RAD21: variants seen among roughly 807,000 people sequenced by gnomAD.
RAD21 encodes the protein RAD21 cohesin complex component, also known as double-strand-break repair protein rad21 homolog.
RAD21 carries 18 observed loss-of-function variants against 71.5 expected under a neutral mutation model. That is an observed-to-expected ratio of 0.25 (90% confidence interval 0.17 to 0.37). RAD21 has a LOEUF of 0.37. RAD21 is among the 10% of genes least tolerant of loss of function. The pLI, the probability that RAD21 is intolerant of heterozygous loss-of-function variation, is 1.00. For synonymous variants in RAD21, 248 were observed against 254.0 expected (o/e 0.98, Z 0.22); for missense variants, 493 against 769.1 (o/e 0.64, Z 4.25).
At chr8:116,851,386 T>C (rs1022274876) in intron 11 of RAD21, 2 of 152,282 alleles carry the variant, frequency 1.3e-5, no homozygotes, top group Non-Finnish European at 2.9e-5. Context: ...GTATTCTTGA[T>C]GGAGGCTGAA....
At chr8:116,859,429 C>T (rs17426131) in intron 4 of RAD21, among the ~76,000 whole-genome samples, 5 of 151,732 alleles carry the variant, frequency 3.3e-5, no homozygotes, top group South Asian at 4.2e-4. Flanking sequence ...CATGGGGGGG[C>T]GGGATCTTAC....
intron 5 of RAD21, 128 bp from the exon 6 acceptor site, chr8:116,857,601 ATATC>A: frequency 2.5e-6 from 2 of 811,708 alleles, no homozygotes; most frequent in Non-Finnish European, 3.8e-6. Context: ...AAATGTTAAA[ATATC>A]TAGTTTAAAC....
In RAD21 at chr8:116,850,632, C is replaced by G. The variant is rs1201088766; in HGVS notation, c.1606G>C (p.Asp536His). Residue 536 changes from aspartate to histidine, a missense_variant, in exon 12 of 14, where the codon GAT (aspartate) becomes CAT (histidine). Asp to His is a moderately conservative substitution (Grantham distance 81). This residue lies in a region of RAD21 where 225 missense variants were observed against 218.3 expected (regional missense o/e 1.03). Coordinates refer to ENST00000297338, the MANE Select transcript of RAD21 (RefSeq NM_006265.3). ...AATTAGTTTACCTCTTCCTCTTCAT[C>G]ATCTTCTTTTTCCTTCTCTTTCTCC... ...EKEKEKEKED[D>H]EEEEDEDASG... 4 of 1,609,540 alleles carry G rather than the reference C, an allele frequency of 2.5e-6. No individual in the cohort carries two copies. Among genetic ancestry groups the G allele is most frequent in the Non-Finnish European group, 3.4e-6 (4 of 1,176,480 alleles).
rs919766252 is a variant in RAD21, at chr8:116,858,566, C to G, written c.375-108G>C. ...AAAAAAATATATATGTATAACCCAC[C>G]AAGTTTTAGAAGCCTTAATATTTAA... On this transcript the variant is annotated intron_variant, in intron 4 of 13. Transcript: ENST00000297338. 17 of 752,672 alleles carry G rather than the reference C, an allele frequency of 2.3e-5. No individual in the cohort carries two copies. In the East Asian group the frequency reaches 3.8e-4, roughly 17 times the overall value. 46.6% of individuals were successfully genotyped at this position (752,672 alleles called of 1,614,324 possible). A position where few individuals can be genotyped will look rare whatever the true frequency, so the allele number is the denominator to read the frequency against.
intron 1 of RAD21, among the ~76,000 whole-genome samples, chr8:116,870,968 CAG>C (rs1197880625): frequency 6.6e-6 from 1 of 152,112 alleles, no homozygotes; most frequent in Admixed American, 6.5e-5. Context: ...TATGCAGAGG[CAG>C]AGATTCCTAA....
In RAD21 at chr8:116,847,603, T is replaced by C. The variant is rs758017717; in HGVS notation, c.1793A>G (p.Tyr598Cys). ...TNRKQAAAKF[Y>C]SFLVLKKQQA... ...CTGCTTTTTAAGAACCAAGAAGCTG[T>C]AGAACTTTGCGGCAGCTTGTTTTCT... Residue 598 changes from tyrosine to cysteine, a missense_variant, in exon 14 of 14, where the codon TAC (tyrosine) becomes TGC (cysteine). Physicochemically the swap from Tyr to Cys is radical, Grantham distance 194. Around this residue, in one of 5 missense-constraint regions of RAD21, gnomAD observed 34 missense variants for 59.9 expected, o/e 0.57. Coordinates refer to ENST00000297338, the MANE Select transcript of RAD21 (RefSeq NM_006265.3). 6.2e-7 allele frequency: 1 copy of C among 1,614,124 alleles called. No homozygotes were observed. The highest frequency in any genetic ancestry group is 8.5e-7 in the Non-Finnish European group (1 of 1,179,980).
intron 4 of RAD21, among the ~76,000 whole-genome samples, chr8:116,859,396 T>C (rs927444805): frequency 6.6e-6 from 1 of 152,062 alleles, no homozygotes; most frequent in African/African-American, 2.4e-5. Context: ...TCTTTAAAAT[T>C]TTTTTCCTTA....
chr8:116,849,261 A>C (rs1812305114), intron 12 of RAD21: 8 of 420,178 alleles, frequency 1.9e-5, no homozygotes. Flanking sequence ...CATTTGGCTG[A>C]AAGTATGCTT....
In RAD21 at chr8:116,857,413, T is replaced by C; in HGVS notation, c.542A>G (p.Asp181Gly). 6.2e-7 allele frequency: 1 copy of C among 1,613,472 alleles called. No homozygotes were observed. The highest frequency in any genetic ancestry group is 8.5e-7 in the Non-Finnish European group (1 of 1,179,748). The change falls in exon 6 of 14, where the codon GAC (aspartate) becomes GGC (glycine). Residue 181 changes from aspartate to glycine, a missense_variant. Physicochemically the swap from Asp to Gly is moderately conservative, Grantham distance 94. Around this residue, in one of 5 missense-constraint regions of RAD21, gnomAD observed 165 missense variants for 229.6 expected, o/e 0.72. Transcript: ENST00000297338. ...MREGSAFEDD[D>G]MLVSTTTSNL... ...AGAAGTAGTAGTGCTTACTAACATGTCGTCATCCTCAAAAGCACTGCCTTC... is the reference window on the plus strand; with the variant it reads ...AGAAGTAGTAGTGCTTACTAACATGCCGTCATCCTCAAAAGCACTGCCTTC...
intron 1 of RAD21, 174 bp downstream of exon 1, chr8:116,874,437 G>T (rs1394626342): frequency 4.8e-6 from 1 of 207,708 alleles, no homozygotes; most frequent in Non-Finnish European, 9.6e-6. Context: ...GGGGCTGGGC[G>T]GGTGGCGCCG....
At chr8:116,869,195 T>C (rs760146319) in intron 1 of RAD21, among the ~76,000 whole-genome samples, 5 of 152,124 alleles carry the variant, frequency 3.3e-5, no homozygotes, top group Admixed American at 6.5e-5. Context: ...GAAAAAATAT[T>C]TGTAAACCAC....
chr8:116,867,139 A>G (rs983109515), intron 1 of RAD21: 2 of 153,668 alleles, frequency 1.3e-5, no homozygotes, highest in African/African-American at 4.8e-5. Context: ...GGCACAGATA[A>G]AAATCTGTGG....
At chr8:116,848,407 A>G (rs11994747) in intron 13 of RAD21, among the ~76,000 whole-genome samples, 1,606 of 151,842 alleles carry the variant, frequency 0.011, 30 homozygotes, top group African/African-American at 0.036. Context: ...AAAATCTAGC[A>G]CTTATAGTTT....
intron 13 of RAD21, 133 bp downstream of exon 13, chr8:116,848,813 A>G: frequency 3.9e-6 from 2 of 514,806 alleles, no homozygotes; most frequent in African/African-American, 2.0e-5. Context: ...AAATAAATAA[A>G]TAAAAATGTA....
chr8:116,864,901 T>G (rs1465221350), intron 2 of RAD21, among the ~76,000 whole-genome samples: 1 of 152,088 alleles, frequency 6.6e-6, no homozygotes, highest in African/African-American at 2.4e-5. Flanking sequence ...GCTCTGCAAA[T>G]AGGGCCAGTG....
chr8:116,856,332 G>C (rs770147941), intron 7 of RAD21, 44 bp from the exon 8 acceptor site: 1 of 1,424,972 alleles, frequency 7.0e-7, no homozygotes, highest in Non-Finnish European at 9.2e-7. Flanking sequence ...AAAAGCTTTG[G>C]TATATAACAT....
chr8:116,864,527 T>G (rs6993046), intron 2 of RAD21, among the ~76,000 whole-genome samples: 15 of 151,892 alleles, frequency 9.9e-5, no homozygotes, highest in Non-Finnish European at 1.8e-4. Context: ...ATACCAAATT[T>G]GTGATCAAAT....
At chr8:116,853,560 G>T (rs573626410) in intron 9 of RAD21, among the ~76,000 whole-genome samples, 1 of 152,058 alleles carries the variant, frequency 6.6e-6, no homozygotes, top group Non-Finnish European at 1.5e-5. Flanking sequence ...TGAAATTACT[G>T]AGTCAAAGAA....
chr8:116,848,859 T>A, intron 13 of RAD21, 87 bp downstream of exon 13: 1 of 1,034,976 alleles, frequency 9.7e-7, no homozygotes, highest in East Asian at 2.8e-5. Flanking sequence ...ATGCTTTCTG[T>A]TTCCAGCATC....
Sources: gnomAD v4.1 joint callset for allele counts (sites outside exome capture counted in the v4.1 genomes callset) on GRCh38, gnomAD v4.1.1 for gene constraint, gnomAD v4.1.1 regional missense constraint, MANE v1.5 for transcripts, NCBI Gene and HGNC (gene_info 2026-07-23, HGNC 2026-07-21) for gene names.